The following P2RX3 variants were observed in gnomAD, a reference collection of about 807,000 sequenced individuals.
The protein encoded by P2RX3 is P2X purinoceptor 3.
P2RX3 carries 41 observed loss-of-function variants against 51.5 expected under a neutral mutation model. The ratio of observed to expected loss-of-function variants is 0.80; its 90% CI spans 0.62 to 1.03. P2RX3 has a LOEUF of 1.03. Among genes scored for constraint, P2RX3 ranks in the 50% least tolerant of loss-of-function variants. The probability of loss-of-function intolerance (pLI) is 0.00; values close to 1 mark genes in which losing one functional copy is unlikely to be tolerated. For synonymous variants in P2RX3, 185 were observed against 191.6 expected (o/e 0.97, Z 0.29); for missense variants, 459 against 522.1 (o/e 0.88, Z 1.18).
In P2RX3 at chr11:57,364,898, G is replaced by T. The variant is rs540168082; in HGVS notation, c.843-3111G>T. ...AGGTCCACTCTCATTCTTACTCTGG[G>T]TCTTACTCTTTCTTGGGATCCCCTT... On this transcript the variant is annotated intron_variant, in intron 8 of 11. Transcript: ENST00000263314. Among the ~76,000 whole-genome samples, 3 of 152,166 alleles carry T rather than the reference G, an allele frequency of 2.0e-5. No homozygotes were observed. In the South Asian group the frequency reaches 6.2e-4, roughly 32 times the overall value.
intron 8 of P2RX3, among the ~76,000 whole-genome samples, chr11:57,354,523 G>A (rs1298555913): frequency 4.6e-5 from 7 of 152,150 alleles, no homozygotes. Context: ...CAGTTCTTCA[G>A]GAGGCTCTCT....
chr11:57,361,536 A>G (rs2134441163), intron 8 of P2RX3, among the ~76,000 whole-genome samples: 1 of 152,294 alleles, frequency 6.6e-6, no homozygotes, highest in South Asian at 2.1e-4. Context: ...GAATGATAAC[A>G]TGCAATGTTT....
rs751306817 is a variant in P2RX3, at chr11:57,349,744, T to TG, written c.564-12dup. On this transcript the variant is annotated splice_polypyrimidine_tract_variant and intron_variant, in intron 6 of 11. Transcript: ENST00000263314. ...TGAACCCTGGGCTGACCTCTCTCTC[T>TG]GCTCCTCCCCAGGGGAAACCTCCTT... 8 of 1,613,942 alleles carry TG rather than the reference T, an allele frequency of 5.0e-6. No homozygotes were observed. Among genetic ancestry groups the TG allele is most frequent in the Non-Finnish European group, 6.8e-6 (8 of 1,179,988 alleles).
At chr11:57,343,380 A>G (rs1856376886) in intron 1 of P2RX3, among the ~76,000 whole-genome samples, 1 of 152,216 alleles carries the variant, frequency 6.6e-6, no homozygotes, top group East Asian at 1.9e-4. Flanking sequence ...GGAAAAGCAC[A>G]GGGTCCGGTT....
intron 8 of P2RX3, among the ~76,000 whole-genome samples, chr11:57,364,709 C>T (rs946146708): frequency 5.9e-5 from 9 of 152,168 alleles, no homozygotes; most frequent in Non-Finnish European, 1.2e-4. Flanking sequence ...CCTTTTGCTG[C>T]ACCTTGAATT....
At chr11:57,367,954 C>G (rs916396092) in intron 8 of P2RX3, 55 bp from the exon 9 acceptor site, 2 of 1,427,074 alleles carry the variant, frequency 1.4e-6, no homozygotes, top group East Asian at 4.6e-5. Context: ...CCAGAAGGTT[C>G]AGGCAGGAGA....
intron 10 of P2RX3, 134 bp downstream of exon 10, chr11:57,368,571 T>G: frequency 1.0e-6 from 1 of 958,572 alleles, no homozygotes; most frequent in Non-Finnish European, 1.6e-6. Flanking sequence ...ACTTGCTAGG[T>G]GCTTCAGTCT....
rs139847629 is a variant in P2RX3 at position 57,341,467 on chromosome 11, T to C, written c.119+2798T>C. Among the ~76,000 whole-genome samples the C allele has an allele frequency of 2.4e-3, 362 of 152,214 alleles. 19 individuals are homozygous for C. In the East Asian group the frequency reaches 0.061, roughly 25 times the overall value. On this transcript the variant is annotated intron_variant, in intron 1 of 11. Coordinates refer to ENST00000263314, the MANE Select transcript of P2RX3 (RefSeq NM_002559.5). ...GCCCCTGGCCTCAGCTGCTTGTCTG[T>C]GGTTGACACCATTTCATCACTATTT...
intron 8 of P2RX3, among the ~76,000 whole-genome samples, chr11:57,355,563 A>G (rs983648997): frequency 2.0e-5 from 3 of 151,756 alleles, no homozygotes; most frequent in Non-Finnish European, 4.4e-5. Context: ...CTGGTCTCGA[A>G]CTCCTAACTT....
chr11:57,352,224 C>CCATT (rs1419253243), intron 8 of P2RX3, among the ~76,000 whole-genome samples: 1 of 151,988 alleles, frequency 6.6e-6, no homozygotes, highest in Non-Finnish European at 1.5e-5. Flanking sequence ...ATCACCCACC[C>CCATT]CATTAAGCTT....
rs960096150 is a variant in P2RX3, at chr11:57,369,271, G to A, written c.1003-90G>A. The A allele has an allele frequency of 6.4e-6, 7 of 1,090,752 alleles. No homozygotes were observed. The South Asian group carries it at 8.2e-5, about 13-fold the overall frequency. The allele number at this position is 1,090,752 out of a possible 1,614,324, so 67.6% of individuals were successfully genotyped here. A position where few individuals can be genotyped will look rare whatever the true frequency, so the allele number is the denominator to read the frequency against. ...CCTGCCCACTGTTTAGGCAGCTTGG[G>A]GGTGCTGCCCGAGCCCAGCACTTCC... On this transcript the variant is annotated intron_variant, in intron 10 of 11. Transcript: ENST00000263314.
At chr11:57,362,827 A>T (rs1856741731) in intron 8 of P2RX3, among the ~76,000 whole-genome samples, 1 of 150,034 alleles carries the variant, frequency 6.7e-6, no homozygotes, top group Non-Finnish European at 1.5e-5. Context: ...TGAGCTAATA[A>T]GCATAAGCAC....
At chr11:57,365,182 AG>A (rs1170146219) in intron 8 of P2RX3, among the ~76,000 whole-genome samples, 4 of 152,208 alleles carry the variant, frequency 2.6e-5, no homozygotes, top group African/African-American at 9.6e-5. Context: ...GGGAGTGGTC[AG>A]GGTAGGTAAC....
At chr11:57,367,265 C>T (rs1485977667) in intron 8 of P2RX3, among the ~76,000 whole-genome samples, 1 of 152,124 alleles carries the variant, frequency 6.6e-6, no homozygotes, top group African/African-American at 2.4e-5. Flanking sequence ...GTAACTGGCC[C>T]AACGTTGCAC....
intron 8 of P2RX3, among the ~76,000 whole-genome samples, chr11:57,364,581 A>T (rs917332336): frequency 1.3e-5 from 2 of 152,264 alleles, no homozygotes; most frequent in Admixed American, 6.5e-5. Context: ...CCCATTCCAG[A>T]TACTTCTTTT....
intron 7 of P2RX3, 42 bp downstream of exon 7, chr11:57,349,940 C>T (rs1445667492): frequency 1.2e-6 from 2 of 1,610,014 alleles, no homozygotes; most frequent in East Asian, 2.2e-5. Context: ...AACTCCCCAC[C>T]TTCAGCCCTT....
At chr11:57,348,380 C>T (rs1856481547) in intron 5 of P2RX3, 117 bp downstream of exon 5, 3 of 1,030,806 alleles carry the variant, frequency 2.9e-6, no homozygotes, top group Non-Finnish European at 4.2e-6. Flanking sequence ...CAGTGTTGTC[C>T]CTTCCTGGTG....
At position 57,350,805 on chromosome 11, in the gene P2RX3, A is replaced by T. The variant is rs771293996; in HGVS notation, c.749A>T (p.Asp250Val). Residue 250 changes from aspartate to valine, a missense_variant, in exon 8 of 12, where the codon GAC becomes GTC. Transcript: ENST00000263314. ...GIKIGWVCDLDKAWDQCIPKY... is the reference protein window; with the variant it reads ...GIKIGWVCDLVKAWDQCIPKY... ...AAGATCGGCTGGGTGTGCGACTTGG[A>T]CAAGGCCTGGGACCAGTGCATCCCC... 6.2e-7 allele frequency: 1 copy of T among 1,613,768 alleles called. No homozygotes were observed. The highest frequency in any genetic ancestry group is 1.7e-5 in the Admixed American group (1 of 59,986).
At position 57,350,845 on chromosome 11, in the gene P2RX3, C is replaced by T. The variant is rs141108136; in HGVS notation, c.789C>T (p.Thr263=). 177 of 1,614,128 alleles carry T rather than the reference C, an allele frequency of 1.1e-4. No individual in the cohort carries two copies. In the African/African-American group the frequency reaches 2.1e-3, roughly 20 times the overall value. Residue 263 remains threonine, a synonymous_variant, in exon 8 of 12, where the codon ACC becomes ACT. Transcript: ENST00000263314. ...WDQCIPKYSF[T]RLDSVSEKSS... is the part of the protein sequence containing the mutation. The stretch of plus-strand genomic sequence containing the variant: ...AGTGCATCCCCAAATACTCCTTCAC[C>T]CGGCTCGACAGCGTTTCTGAGAAAA...
Sources: gnomAD v4.1 joint callset for allele counts (sites outside exome capture counted in the v4.1 genomes callset) on GRCh38, gnomAD v4.1.1 for gene constraint, MANE v1.5 for transcripts, NCBI Gene and HGNC (gene_info 2026-07-23, HGNC 2026-07-21) for gene names.